ZPBP: variants seen among roughly 807,000 people sequenced by gnomAD.
The protein encoded by ZPBP is zona pellucida-binding protein 1.
A neutral mutation model predicts 44.8 loss-of-function variants in ZPBP; 26 were observed. The ratio of observed to expected loss-of-function variants is 0.58; its 90% CI spans 0.43 to 0.81. ZPBP has a LOEUF of 0.81. ZPBP is among the 30% of genes least tolerant of loss of function. The pLI, the probability that ZPBP is intolerant of heterozygous loss-of-function variation, is 0.00. For missense variants in ZPBP, 409 were observed against 434.0 expected, an observed-to-expected ratio of 0.94 and a Z score of 0.51; for synonymous variants, 174 against 153.2, an observed-to-expected ratio of 1.14 and a Z score of -1.00.
chr7:49,908,108 A>G (rs1423193837), intron 1 of ZPBP, among the ~76,000 whole-genome samples: 1 of 152,244 alleles, frequency 6.6e-6, no homozygotes, highest in Admixed American at 6.5e-5. Flanking sequence ...TTCAGGGACC[A>G]CTGTCTGTCA....
At chr7:49,887,126 G>C (rs1243655283) in intron 2 of ZPBP, among the ~76,000 whole-genome samples, 1 of 152,180 alleles carries the variant, frequency 6.6e-6, no homozygotes, top group East Asian at 1.9e-4. Flanking sequence ...ACAAGGGTTT[G>C]TATATTTTAA....
chr7:49,973,915 A>C (rs1053386252), intron 7 of ZPBP, among the ~76,000 whole-genome samples: 7 of 152,292 alleles, frequency 4.6e-5, no homozygotes, highest in Middle Eastern at 3.4e-3. Context: ...AAACAACCCA[A>C]ATACCCATTA....
chr7:49,881,264 T>C (rs1791651227), intron 2 of ZPBP, among the ~76,000 whole-genome samples: 1 of 152,162 alleles, frequency 6.6e-6, no homozygotes, highest in Non-Finnish European at 1.5e-5. Flanking sequence ...TTTTGTTCCA[T>C]TTGTTTCATC....
chr7:50,062,660 A>G (rs1801301053), intron 3 of ZPBP, among the ~76,000 whole-genome samples: 1 of 152,216 alleles, frequency 6.6e-6, no homozygotes, highest in Non-Finnish European at 1.5e-5. Flanking sequence ...CTTCTACCAT[A>G]TATAAAAAAT....
At chr7:49,868,158 G>A (rs570589654) in intron 2 of ZPBP, among the ~76,000 whole-genome samples, 115 of 152,190 alleles carry the variant, frequency 7.6e-4, no homozygotes, top group African/African-American at 2.6e-3. Flanking sequence ...TATAAGTGAG[G>A]AAAACCCAAG....
chr7:50,046,750 A>C (rs570025678), intron 4 of ZPBP, among the ~76,000 whole-genome samples: 3 of 152,274 alleles, frequency 2.0e-5, no homozygotes, highest in South Asian at 4.2e-4. Flanking sequence ...TTCCTCAAGG[A>C]TCTAGAACCA....
chr7:50,015,244 G>A (rs930943812), intron 6 of ZPBP, among the ~76,000 whole-genome samples: 1 of 152,002 alleles, frequency 6.6e-6, no homozygotes, highest in African/African-American at 2.4e-5. Context: ...ATATTTGGGG[G>A]AGGAAAAGGA....
Position 50,084,326 on chromosome 7 carries a change from C to T in ZPBP, c.209-2427G>A, listed in dbSNP as rs117662475. Among the ~76,000 whole-genome samples, 37 of 149,180 alleles carry T rather than the reference C, an allele frequency of 2.5e-4. No homozygotes were observed. In the East Asian group the frequency reaches 4.1e-3, roughly 17 times the overall value. ...AACCTCTTCTCCTGGATAATACAGT[C>T]CCAGAAAACTTCTGAACATGTACCA... On this transcript the variant is annotated intron_variant, in intron 2 of 7. Coordinates refer to ENST00000046087, the MANE Select transcript of ZPBP (RefSeq NM_007009.3).
At chr7:49,864,366 AGAATCCACCTGGGAT>A (rs1260760967) in intron 2 of ZPBP, among the ~76,000 whole-genome samples, 1 of 152,210 alleles carries the variant, frequency 6.6e-6, no homozygotes, top group East Asian at 1.9e-4. Flanking sequence ...CAGGAGCCTC[AGAATCCACCTGGGAT>A]GAAAGCTTAA....
chr7:49,989,015 T>C (rs2128786466), intron 6 of ZPBP, among the ~76,000 whole-genome samples: 1 of 152,362 alleles, frequency 6.6e-6, no homozygotes, highest in Admixed American at 6.5e-5. Flanking sequence ...TCTCTCTCTC[T>C]GTGCATGGCT....
At chr7:50,069,729 GCACTTTCACTCT>G (rs1272566067) in intron 3 of ZPBP, among the ~76,000 whole-genome samples, 2 of 151,716 alleles carry the variant, frequency 1.3e-5, no homozygotes, top group South Asian at 2.1e-4. Context: ...CCCTTGCAAC[GCACTTTCACTCT>G]CACTTTCACT....
chr7:49,939,073 T>C (rs542249678), intron 7 of ZPBP, among the ~76,000 whole-genome samples: 1 of 152,258 alleles, frequency 6.6e-6, no homozygotes, highest in Non-Finnish European at 1.5e-5. Flanking sequence ...AACAACAGTA[T>C]TTGAATTGGT....
At chr7:50,001,052 A>T (rs1300172661) in intron 6 of ZPBP, among the ~76,000 whole-genome samples, 1 of 152,172 alleles carries the variant, frequency 6.6e-6, no homozygotes, top group African/African-American at 2.4e-5. Flanking sequence ...CCAAATAGAC[A>T]GGCCCTTGGC....
chr7:50,034,191 T>A (rs929032356), intron 4 of ZPBP, among the ~76,000 whole-genome samples: 7 of 151,920 alleles, frequency 4.6e-5, no homozygotes, highest in African/African-American at 1.2e-4. Flanking sequence ...GGGTTTTTTT[T>A]TTTTAATTAT....
At chr7:50,089,587 C>T (rs1433808259) in intron 2 of ZPBP, 42 bp downstream of exon 2, 2 of 1,407,038 alleles carry the variant, frequency 1.4e-6, no homozygotes, top group Non-Finnish European at 2.0e-6. Flanking sequence ...TAAACAAATG[C>T]TAATAACTTT....
At chr7:49,991,299 C>T (rs1797559215) in intron 6 of ZPBP, among the ~76,000 whole-genome samples, 1 of 152,036 alleles carries the variant, frequency 6.6e-6, no homozygotes, top group Non-Finnish European at 1.5e-5. Flanking sequence ...TAACCAGAAA[C>T]TCAAAATTGT....
chr7:49,929,434 T>C (rs575756744), intron 1 of ZPBP, among the ~76,000 whole-genome samples: 1 of 152,210 alleles, frequency 6.6e-6, no homozygotes, highest in South Asian at 2.1e-4. Flanking sequence ...CTCTGACTTC[T>C]CAAAGAAAGT....
Position 50,049,483 on chromosome 7 carries a change from A to G in ZPBP, c.487+8506T>C, listed in dbSNP as rs1368350615. Among the ~76,000 whole-genome samples the G allele has an allele frequency of 4.6e-5, 7 of 152,180 alleles. No individual in the cohort carries two copies. In the East Asian group the frequency reaches 1.3e-3, roughly 29 times the overall value. On this transcript the variant is annotated intron_variant, in intron 4 of 7. Coordinates refer to ENST00000046087, the MANE Select transcript of ZPBP (RefSeq NM_007009.3). ...CCATGACCAAGTGGGATTTAAACCGAGAATGCAAGTTTGGGTTAATATTTA... is the reference window on the plus strand; with the variant it reads ...CCATGACCAAGTGGGATTTAAACCGGGAATGCAAGTTTGGGTTAATATTTA...
chr7:49,877,507 T>C (rs183464611), intron 2 of ZPBP, among the ~76,000 whole-genome samples: 10 of 90,318 alleles, frequency 1.1e-4, no homozygotes, highest in South Asian at 3.6e-4. Flanking sequence ...TATATATATA[T>C]ATATATATAT....
Sources: allele counts gnomAD v4.1 joint callset (sites outside exome capture counted in the v4.1 genomes callset), GRCh38; gene constraint gnomAD v4.1.1; transcripts MANE v1.5; gene names NCBI Gene and HGNC (gene_info 2026-07-23, HGNC 2026-07-21).